RAP1GDS1: variants seen among roughly 807,000 people sequenced by gnomAD.
RAP1GDS1 encodes the protein Rap1 GTPase-GDP dissociation stimulator 1, also known as RAP1, GTP-GDP dissociation stimulator 1.
A neutral mutation model predicts 71.1 loss-of-function variants in RAP1GDS1; 35 were observed. The observed-to-expected ratio is 0.49, with a 90% CI of 0.38 to 0.65. RAP1GDS1 has a LOEUF of 0.65. Ranked by LOEUF, RAP1GDS1 falls within the 30% of genes least tolerant of loss-of-function variation. RAP1GDS1 has a pLI of 0.00. For missense variants in RAP1GDS1, 663 were observed against 706.1 expected, an observed-to-expected ratio of 0.94 and a Z score of 0.69; for synonymous variants, 229 against 243.1, an observed-to-expected ratio of 0.94 and a Z score of 0.54.
chr4:98,326,162 A>T (rs1452327360), intron 2 of RAP1GDS1, among the ~76,000 whole-genome samples: 1 of 152,146 alleles, frequency 6.6e-6, no homozygotes, highest in Non-Finnish European at 1.5e-5. Context: ...CTCAGAATAG[A>T]ACTTAATTCT....
intron 1 of RAP1GDS1, among the ~76,000 whole-genome samples, chr4:98,264,841 G>A (rs1361558902): frequency 6.6e-6 from 1 of 152,182 alleles, no homozygotes; most frequent in African/African-American, 2.4e-5. Flanking sequence ...TGACATAAAT[G>A]AAGATAGATA....
intron 2 of RAP1GDS1, among the ~76,000 whole-genome samples, chr4:98,338,982 T>C (rs929318450): frequency 6.6e-6 from 1 of 152,102 alleles, no homozygotes; most frequent in African/African-American, 2.4e-5. Flanking sequence ...AGCTATAACC[T>C]TAAATTATGA....
chr4:98,303,627 A>AATAATATATAATATAATATAAT (rs1553965662), intron 2 of RAP1GDS1, among the ~76,000 whole-genome samples: 12 of 141,322 alleles, frequency 8.5e-5, no homozygotes, highest in African/African-American at 3.1e-4. Flanking sequence ...GTAAATTAAT[A>AATAATATATAATATAATATAAT]ATAATATAAT....
At chr4:98,354,034 T>A (rs1737591410) in intron 4 of RAP1GDS1, among the ~76,000 whole-genome samples, 1 of 151,970 alleles carries the variant, frequency 6.6e-6, no homozygotes, top group South Asian at 2.1e-4. Context: ...GTTACTGGAA[T>A]TTAAGGGTAC....
chr4:98,265,436 T>C (rs1722595891), intron 1 of RAP1GDS1, among the ~76,000 whole-genome samples: 1 of 152,192 alleles, frequency 6.6e-6, no homozygotes, highest in Non-Finnish European at 1.5e-5. Context: ...AGGATTTGAA[T>C]ACATTTCTAA....
chr4:98,297,701 G>A (rs1384303755), intron 2 of RAP1GDS1, among the ~76,000 whole-genome samples: 3 of 151,992 alleles, frequency 2.0e-5, no homozygotes, highest in Non-Finnish European at 4.4e-5. Context: ...CTCTCCTCAG[G>A]CCTCCCTATT....
At chr4:98,381,772 C>T (rs1217480840) in intron 5 of RAP1GDS1, among the ~76,000 whole-genome samples, 5 of 151,420 alleles carry the variant, frequency 3.3e-5, no homozygotes, top group African/African-American at 9.7e-5. Flanking sequence ...TAACTTAAGC[C>T]GTATCTGTAG....
intron 5 of RAP1GDS1, chr4:98,387,544 A>T: frequency 2.2e-6 from 1 of 448,872 alleles, no homozygotes; most frequent in Non-Finnish European, 4.5e-6. Context: ...TGATTGCCTT[A>T]TATCTCTTTG....
At chr4:98,273,473 T>C (rs1723778994) in intron 1 of RAP1GDS1, among the ~76,000 whole-genome samples, 2 of 152,264 alleles carry the variant, frequency 1.3e-5, no homozygotes, top group East Asian at 3.9e-4. Flanking sequence ...TTTATTGTGA[T>C]TAAAAAATGA....
chr4:98,355,500 T>C (rs1214769615), intron 4 of RAP1GDS1, among the ~76,000 whole-genome samples: 1 of 152,186 alleles, frequency 6.6e-6, no homozygotes, highest in Non-Finnish European at 1.5e-5. Flanking sequence ...TATAAAGACT[T>C]CACTATTGGA....
intron 1 of RAP1GDS1, among the ~76,000 whole-genome samples, chr4:98,266,244 T>C (rs1413661788): frequency 1.3e-5 from 2 of 152,162 alleles, no homozygotes; most frequent in African/African-American, 2.4e-5. Context: ...TTAATGTCTT[T>C]GTGACTTAGT....
intron 4 of RAP1GDS1, among the ~76,000 whole-genome samples, chr4:98,372,277 C>T (rs912409769): frequency 4.6e-5 from 7 of 152,120 alleles, no homozygotes; most frequent in African/African-American, 1.7e-4. Context: ...ATTCTTCTGC[C>T]TCAGCATCAT....
At chr4:98,264,794 T>A (rs1722505713) in intron 1 of RAP1GDS1, among the ~76,000 whole-genome samples, 2 of 152,214 alleles carry the variant, frequency 1.3e-5, no homozygotes, top group African/African-American at 4.8e-5. Context: ...ATGAGACTGT[T>A]AATCAGAATG....
intron 2 of RAP1GDS1, among the ~76,000 whole-genome samples, chr4:98,304,776 T>C (rs929932621): frequency 6.6e-6 from 1 of 152,210 alleles, no homozygotes; most frequent in Non-Finnish European, 1.5e-5. Context: ...CCCTTGTCTA[T>C]GTTCTGAATG....
chr4:98,397,843 A>G, intron 6 of RAP1GDS1, among the ~76,000 whole-genome samples: 1 of 152,266 alleles, frequency 6.6e-6, no homozygotes, highest in African/African-American at 2.4e-5. Flanking sequence ...GTACCACAGT[A>G]CCAATCCATA....
intron 1 of RAP1GDS1, among the ~76,000 whole-genome samples, chr4:98,279,429 T>G (rs1724725559): frequency 6.6e-6 from 1 of 151,630 alleles, no homozygotes; most frequent in Admixed American, 6.6e-5. Flanking sequence ...TATAAAAAAG[T>G]ATATAATTTC....
intron 4 of RAP1GDS1, among the ~76,000 whole-genome samples, chr4:98,378,315 G>C (rs185960239): frequency 1.3e-5 from 2 of 151,994 alleles, no homozygotes; most frequent in Non-Finnish European, 2.9e-5. Flanking sequence ...CATAATGGAA[G>C]TTATGTTTGA....
In RAP1GDS1 at chr4:98,442,947, T is replaced by C. The variant is rs1247636340; in HGVS notation, c.*830T>C. 4.3e-6 allele frequency: 1 copy of C among 231,514 alleles called. No homozygotes were observed. Among genetic ancestry groups the C allele is most frequent in the Non-Finnish European group, 8.5e-6 (1 of 117,198 alleles). 14.3% of individuals were successfully genotyped at this position (231,514 alleles called of 1,614,324 possible). ...TAATCAGCATTATCCAGCACTTGTC[T>C]TTAAAATTCATTTGGCGCTTGTTTG... On this transcript the variant is annotated 3_prime_UTR_variant, in exon 15 of 15. Transcript: ENST00000408927.
chr4:98,420,335 ATTATTTATTTAT>A (rs35020636), intron 11 of RAP1GDS1, among the ~76,000 whole-genome samples, 191 bp downstream of exon 11: 1,663 of 149,856 alleles, frequency 0.011, 8 homozygotes, highest in Non-Finnish European at 0.018. Flanking sequence ...ATTTATACAT[ATTATTTATTTAT>A]TTATTTATTT....
Sources: allele counts gnomAD v4.1 joint callset (sites outside exome capture counted in the v4.1 genomes callset), GRCh38; gene constraint gnomAD v4.1.1; transcripts MANE v1.5; gene names NCBI Gene and HGNC (gene_info 2026-07-23, HGNC 2026-07-21).